PPP4R3B: variants seen among roughly 807,000 people sequenced by gnomAD.
PPP4R3B encodes serine/threonine-protein phosphatase 4 regulatory subunit 3B.
Under a neutral mutation model 95.4 loss-of-function variants are expected in PPP4R3B, and 52 were observed. That is an observed-to-expected ratio of 0.54 (90% CI 0.44 to 0.69). The LOEUF (loss-of-function observed/expected upper bound fraction) is 0.69, where lower values mean the gene tolerates loss of function less well. Ranked by LOEUF, PPP4R3B falls within the 30% of genes least tolerant of loss-of-function variation. PPP4R3B has a pLI of 0.00. For missense variants in PPP4R3B, 1,003 were observed against 1,005.9 expected (o/e 1.00, Z 0.04); for synonymous variants, 407 against 343.9 (o/e 1.18, Z -2.03).
Position 55,568,181 on chromosome 2 carries a change from T to C in PPP4R3B, c.1935+13A>G. 1 of 1,488,022 alleles carries C rather than the reference T, an allele frequency of 6.7e-7. No homozygotes were observed. The highest frequency in any genetic ancestry group is 8.9e-7 in the Non-Finnish European group (1 of 1,117,574). 92.2% of individuals were successfully genotyped at this position (1,488,022 alleles called of 1,614,324 possible). On this transcript the variant is annotated intron_variant, in intron 13 of 16. Transcript: ENST00000616407. The stretch of plus-strand genomic sequence containing the variant: ...TAATTACATATAATAACAGCTGTTT[T>C]ATATAAACTTACCACTCTTATAAAT...
Position 55,598,523 on chromosome 2 carries a change from T to G in PPP4R3B, c.814A>C (p.Ile272Leu), listed in dbSNP as rs893923497. 4 of 1,614,092 alleles carry G rather than the reference T, an allele frequency of 2.5e-6. No homozygotes were observed. The highest frequency in any genetic ancestry group is 3.3e-5 in the Admixed American group (2 of 60,004). Reference protein sequence around the residue: ...KIHQTYRVQYIQDIILPTPSV... With the variant: ...KIHQTYRVQYLQDIILPTPSV... ...GGTGTGGGCAAAATGATGTCCTGAATGTACTGTACCCTGTAAGTCTGATGT... is the reference window on the plus strand; with the variant it reads ...GGTGTGGGCAAAATGATGTCCTGAAGGTACTGTACCCTGTAAGTCTGATGT... Residue 272 changes from isoleucine (I) to leucine (L), a missense_variant, in exon 4 of 17, where the codon ATT (isoleucine) becomes CTT (leucine). Coordinates refer to ENST00000616407, the MANE Select transcript of PPP4R3B (RefSeq NM_001122964.3).
At chr2:55,555,109 T>C (rs889072011) in intron 16 of PPP4R3B, among the ~76,000 whole-genome samples, 1 of 151,844 alleles carries the variant, frequency 6.6e-6, no homozygotes, top group African/African-American at 2.4e-5. Context: ...TGAAATCCCA[T>C]CTCTACTAAA....
At chr2:55,601,539 C>G (rs1000119507) in intron 3 of PPP4R3B, among the ~76,000 whole-genome samples, 13 of 152,040 alleles carry the variant, frequency 8.6e-5, no homozygotes, top group Non-Finnish European at 1.9e-4. Context: ...CACCACCATG[C>G]CCGGCTAATT....
intron 2 of PPP4R3B, among the ~76,000 whole-genome samples, chr2:55,604,696 T>C (rs1384679499): frequency 1.3e-5 from 2 of 152,112 alleles, no homozygotes; most frequent in Non-Finnish European, 2.9e-5. Context: ...TCCTAGAATG[T>C]CTTCAATTAT....
intron 15 of PPP4R3B, among the ~76,000 whole-genome samples, chr2:55,559,559 T>G (rs963228539): frequency 1.3e-5 from 2 of 152,056 alleles, no homozygotes; most frequent in South Asian, 2.1e-4. Flanking sequence ...GCCCTTGCTG[T>G]TCTTGTGATA....
At chr2:55,558,426 G>A (rs1356629871) in intron 16 of PPP4R3B, among the ~76,000 whole-genome samples, 1 of 152,058 alleles carries the variant, frequency 6.6e-6, no homozygotes, top group Non-Finnish European at 1.5e-5. Flanking sequence ...TGGCCAACAT[G>A]GTGAAACCTC....
intron 16 of PPP4R3B, among the ~76,000 whole-genome samples, chr2:55,557,142 T>TA (rs1376426219): frequency 6.6e-6 from 1 of 152,182 alleles, no homozygotes; most frequent in African/African-American, 2.4e-5. Context: ...TACAAGGTGA[T>TA]ACAGCTACAA....
intron 16 of PPP4R3B, among the ~76,000 whole-genome samples, chr2:55,556,090 A>T (rs548777144): frequency 6.6e-6 from 1 of 152,242 alleles, no homozygotes; most frequent in African/African-American, 2.4e-5. Flanking sequence ...GCTAAACCAA[A>T]GGGCAATTGG....
At chr2:55,615,584 G>A (rs575917202) in intron 1 of PPP4R3B, 78 bp from the exon 2 acceptor site, 100 of 1,012,570 alleles carry the variant, frequency 9.9e-5, no homozygotes, top group Non-Finnish European at 1.4e-4. Context: ...CATTAAAGCC[G>A]GGCGCAGTGG....
At chr2:55,556,956 G>A (rs531001818) in intron 16 of PPP4R3B, among the ~76,000 whole-genome samples, 2 of 152,104 alleles carry the variant, frequency 1.3e-5, no homozygotes, top group Non-Finnish European at 2.9e-5. Flanking sequence ...CCAGCTACTC[G>A]GGAGGCTGAG....
At chr2:55,604,097 C>G in intron 2 of PPP4R3B, 21 bp from the exon 3 acceptor site, 1 of 1,554,836 alleles carries the variant, frequency 6.4e-7, no homozygotes, top group Non-Finnish European at 8.8e-7. Flanking sequence ...ATAAATATTT[C>G]CATATCATCA....
intron 5 of PPP4R3B, among the ~76,000 whole-genome samples, chr2:55,588,569 AC>A: frequency 6.6e-6 from 1 of 152,170 alleles, no homozygotes; most frequent in East Asian, 1.9e-4. Context: ...AATGTCTGCA[AC>A]CATAAAAATG....
chr2:55,587,503 G>T (rs1032726549), intron 5 of PPP4R3B, among the ~76,000 whole-genome samples: 1 of 152,218 alleles, frequency 6.6e-6, no homozygotes, highest in African/African-American at 2.4e-5. Flanking sequence ...AGAAGCGCTT[G>T]AACCCAGGAG....
At position 55,603,979 on chromosome 2, in the gene PPP4R3B, T is replaced by C; in HGVS notation, c.296A>G (p.Gln99Arg). The C allele has an allele frequency of 1.9e-6, 3 of 1,593,798 alleles. No individual in the cohort carries two copies. Among genetic ancestry groups the C allele is most frequent in the South Asian group, 1.2e-5 (1 of 85,330 alleles). The change falls in exon 3 of 17, where the codon CAG (glutamine) becomes CGG (arginine). Residue 99 changes from glutamine to arginine, a missense_variant and splice_region_variant. Gln to Arg is a conservative substitution (Grantham distance 43). Transcript: ENST00000616407. ...TAAATATTATAAAAAGAAACTTACC[T>C]GACAAATTTTTTCCCAGATCTCATC... ...GCDEIWEKIC[Q>R]VQGKDPSVEV...
At chr2:55,612,924 C>A (rs745445878) in intron 2 of PPP4R3B, among the ~76,000 whole-genome samples, 5 of 149,050 alleles carry the variant, frequency 3.4e-5, no homozygotes, top group African/African-American at 1.2e-4. Flanking sequence ...GCAGCATGGA[C>A]GACAGAGCGA....
intron 2 of PPP4R3B, 187 bp downstream of exon 2, chr2:55,615,264 T>C: frequency 3.7e-6 from 2 of 547,936 alleles, no homozygotes; most frequent in Admixed American, 3.7e-5. Flanking sequence ...AATCCAAAAA[T>C]GATAATTATC....
intron 12 of PPP4R3B, among the ~76,000 whole-genome samples, chr2:55,570,800 T>C (rs891321714): frequency 1.3e-5 from 2 of 152,084 alleles, no homozygotes; most frequent in African/African-American, 4.8e-5. Context: ...ACCAAACAAG[T>C]ATGGGGAGAC....
chr2:55,580,569 A>T (rs1414297092), intron 8 of PPP4R3B, among the ~76,000 whole-genome samples: 1 of 152,230 alleles, frequency 6.6e-6, no homozygotes, highest in Non-Finnish European at 1.5e-5. Flanking sequence ...TTCTATCTAA[A>T]TTTTAAAAAC....
intron 3 of PPP4R3B, among the ~76,000 whole-genome samples, chr2:55,600,327 G>A (rs1692369581): frequency 6.7e-6 from 1 of 148,792 alleles, no homozygotes; most frequent in Non-Finnish European, 1.5e-5. Flanking sequence ...TCGAGAGGCT[G>A]AGGCAGCAGA....
Sources: allele counts gnomAD v4.1 joint callset (sites outside exome capture counted in the v4.1 genomes callset), GRCh38; gene constraint gnomAD v4.1.1; transcripts MANE v1.5; gene names NCBI Gene and HGNC (gene_info 2026-07-23, HGNC 2026-07-21).